FAM161A: variants seen among roughly 807,000 people sequenced by gnomAD.
FAM161A encodes FAM161 centrosomal protein A.
Under a neutral mutation model 70.9 loss-of-function variants are expected in FAM161A, and 57 were observed. The ratio of observed to expected loss-of-function variants is 0.80; its 90% confidence interval spans 0.65 to 1.00. The LOEUF (loss-of-function observed/expected upper bound fraction) is 1.00, where lower values mean the gene tolerates loss of function less well. Among genes scored for constraint, FAM161A ranks in the 50% least tolerant of loss-of-function variants. FAM161A has a pLI of 0.00. For missense variants in FAM161A, 880 were observed against 836.0 expected, an observed-to-expected ratio of 1.05 and a Z score of -0.65; for synonymous variants, 299 against 295.7, an observed-to-expected ratio of 1.01 and a Z score of -0.12.
At chr2:61,806,677 C>T in the FAM161A span, among the ~76,000 whole-genome samples, 12 of 102,168 alleles carry the variant, frequency 1.2e-4, no homozygotes, top group East Asian at 1.9e-3. Context: ...TTGCTTTCCA[C>T]GTCTTTTTTT....
chr2:61,811,791 C>A, the FAM161A span, among the ~76,000 whole-genome samples: 1 of 152,210 alleles, frequency 6.6e-6, no homozygotes, highest in Non-Finnish European at 1.5e-5. Flanking sequence ...CAGGCGTGAG[C>A]CACTGTGCCT....
intron 4 of FAM161A, 68 bp from the exon 5 acceptor site, chr2:61,836,177 A>G: frequency 9.4e-7 from 1 of 1,060,094 alleles, no homozygotes; most frequent in Non-Finnish European, 1.4e-6. Context: ...CATATGTAAC[A>G]TTTAACTTAT....
rs976554440 is a variant in FAM161A at position 61,825,713 on chromosome 2, C to T, written c.*742G>A. On this transcript the variant is annotated 3_prime_UTR_variant, in exon 7 of 7. Transcript: ENST00000404929. The stretch of plus-strand genomic sequence containing the variant: ...AGTGCAGTGGCGCGATCTCGGCTCA[C>T]TGCAAGCTCTGCCTCCTGGGTTCAT... 14 of 415,690 alleles carry T rather than the reference C, an allele frequency of 3.4e-5. No homozygotes were observed. Among genetic ancestry groups the T allele is most frequent in the African/African-American group, 2.3e-4 (11 of 47,654 alleles). 25.8% of individuals were successfully genotyped at this position (415,690 alleles called of 1,614,324 possible).
At position 61,826,405 on chromosome 2, in the gene FAM161A, C is replaced by G. The variant is rs199668340; in HGVS notation, c.*50G>C. The stretch of plus-strand genomic sequence containing the variant: ...CTAAACACAAATGCGGCTGCTGACA[C>G]CCTGACGCTGCAAACAACAGCAAGG... On this transcript the variant is annotated 3_prime_UTR_variant, in exon 7 of 7. Coordinates refer to ENST00000404929, the MANE Select transcript of FAM161A (RefSeq NM_001201543.2). The G allele has an allele frequency of 2.4e-5, 39 of 1,597,012 alleles. No homozygotes were observed. The African/African-American group carries it at 4.7e-4, about 19-fold the overall frequency.
the FAM161A span, chr2:61,803,538 G>A: frequency 3.9e-5 from 19 of 487,948 alleles, no homozygotes; most frequent in Admixed American, 2.9e-4. Flanking sequence ...TAATAAGGCC[G>A]GGCGCAGTGG....
chr2:61,803,166 C>T, the FAM161A span: 73,840 of 493,734 alleles, frequency 0.15, 5,842 homozygotes, highest in East Asian at 0.17. Context: ...TCCTTCATCC[C>T]GGGAAGGCAA....
At chr2:61,848,872 ATTTATATATATATTTATATATATT>A (rs1673338681) in intron 1 of FAM161A, among the ~76,000 whole-genome samples, 1 of 21,484 alleles carries the variant, frequency 4.7e-5, no homozygotes, top group Non-Finnish European at 7.5e-5. Flanking sequence ...TTATATATAT[ATTTATATATATATTTATATATATT>A]TATATATATA....
At chr2:61,844,262 C>T (rs1340090467) in intron 1 of FAM161A, among the ~76,000 whole-genome samples, 1 of 152,248 alleles carries the variant, frequency 6.6e-6, no homozygotes, top group African/African-American at 2.4e-5. Context: ...TCTCTGATAT[C>T]TTCTGCTGTT....
the FAM161A span, among the ~76,000 whole-genome samples, chr2:61,813,393 C>T: frequency 2.0e-5 from 3 of 149,092 alleles, no homozygotes; most frequent in Admixed American, 6.7e-5. Context: ...AAAAAAAATA[C>T]ACTAATTAGC....
chr2:61,819,332 C>G, the FAM161A span, among the ~76,000 whole-genome samples: 1 of 151,986 alleles, frequency 6.6e-6, no homozygotes, highest in Non-Finnish European at 1.5e-5. Flanking sequence ...ATGGTGGTGG[C>G]GCATGCCTGT....
Position 61,848,312 on chromosome 2 carries a change from G to A in FAM161A, c.183+5547C>T, listed in dbSNP as rs1386128860. ...CTGTTTTCAGCTTAATACTGTTAAC[G>A]CTAGCTGAAACTTTTCAGATAAACT... On this transcript the variant is annotated intron_variant, in intron 1 of 6. Transcript: ENST00000404929. Among the ~76,000 whole-genome samples the A allele has an allele frequency of 3.3e-5, 5 of 152,100 alleles. No homozygotes were observed. The South Asian group carries it at 6.2e-4, about 19-fold the overall frequency.
rs1672905458 is a variant in FAM161A at position 61,839,306 on chromosome 2, A to G, written c.1583+115T>C. The stretch of plus-strand genomic sequence containing the variant: ...CATATATTATATAGTAAAATATCTT[A>G]TAGATACAATAATAATTTCTAAGTA... On this transcript the variant is annotated intron_variant, in intron 3 of 6. Coordinates refer to ENST00000404929, the MANE Select transcript of FAM161A (RefSeq NM_001201543.2). 5.7e-6 allele frequency: 5 copies of G among 870,108 alleles called. No individual in the cohort carries two copies. In the South Asian group the frequency reaches 7.3e-5, roughly 13 times the overall value. 53.9% of individuals were successfully genotyped at this position (870,108 alleles called of 1,614,324 possible). A position where few individuals can be genotyped will look rare whatever the true frequency, so the allele number is the denominator to read the frequency against.
At chr2:61,832,678 G>A (rs574385555) in intron 5 of FAM161A, among the ~76,000 whole-genome samples, 17 of 152,248 alleles carry the variant, frequency 1.1e-4, no homozygotes, top group African/African-American at 2.9e-4. Flanking sequence ...CTCCTACAGC[G>A]TTAGATTTTC....
chr2:61,828,465 A>G (rs1672456844), intron 5 of FAM161A, among the ~76,000 whole-genome samples: 2 of 152,054 alleles, frequency 1.3e-5, no homozygotes, highest in Non-Finnish European at 2.9e-5. Context: ...AGTAGCTGGG[A>G]CCATAGGCGC....
At chr2:61,824,067 C>A (rs1672271396), downstream of FAM161A, among the ~76,000 whole-genome samples, 1 of 151,108 alleles carries the variant, frequency 6.6e-6, no homozygotes, top group African/African-American at 2.4e-5. Context: ...CACTCTGTCA[C>A]CCAGGCTAGA....
the FAM161A span, among the ~76,000 whole-genome samples, chr2:61,807,355 A>G: frequency 6.6e-6 from 1 of 151,772 alleles, no homozygotes; most frequent in East Asian, 1.9e-4. Flanking sequence ...TTAGGAAGGG[A>G]ATTTTTTGTT....
chr2:61,814,729 G>A, the FAM161A span, among the ~76,000 whole-genome samples: 2 of 152,104 alleles, frequency 1.3e-5, no homozygotes, highest in African/African-American at 4.8e-5. Flanking sequence ...ATGCATGTTT[G>A]TTCAATATGC....
the FAM161A span, among the ~76,000 whole-genome samples, chr2:61,804,012 C>G: frequency 6.6e-6 from 1 of 152,152 alleles, no homozygotes; most frequent in Non-Finnish European, 1.5e-5. Flanking sequence ...AACGGCTACT[C>G]CATAGACAGA....
chr2:61,843,089 G>A (rs764390655), intron 1 of FAM161A, among the ~76,000 whole-genome samples: 2 of 152,146 alleles, frequency 1.3e-5, no homozygotes, highest in Non-Finnish European at 2.9e-5. Context: ...ATGTTTAGAA[G>A]GGTCTGACTG....
Sources: gnomAD v4.1 joint callset for allele counts (sites outside exome capture counted in the v4.1 genomes callset) on GRCh38, gnomAD v4.1.1 for gene constraint, MANE v1.5 for transcripts, NCBI Gene and HGNC (gene_info 2026-07-23, HGNC 2026-07-21) for gene names.